PDE10A: variants seen among roughly 807,000 people sequenced by gnomAD.
PDE10A encodes the protein cAMP and cAMP-inhibited cGMP 3',5'-cyclic phosphodiesterase 10A.
Under a neutral mutation model 97.7 loss-of-function variants are expected in PDE10A, and 39 were observed. The observed-to-expected ratio is 0.40, with a 90% CI of 0.31 to 0.52. The LOEUF (loss-of-function observed/expected upper bound fraction) is 0.52, where lower values mean the gene tolerates loss of function less well. Ranked by LOEUF, PDE10A falls within the 20% of genes least tolerant of loss-of-function variation. PDE10A has a pLI of 0.56. For missense variants in PDE10A, 731 were observed against 1,047.8 expected (o/e 0.70, Z 4.17); for synonymous variants, 371 against 376.8 (o/e 0.98, Z 0.18).
At chr6:165,726,721 G>T (rs1235333855) in intron 1 of PDE10A, among the ~76,000 whole-genome samples, 1 of 152,222 alleles carries the variant, frequency 6.6e-6, no homozygotes, top group Non-Finnish European at 1.5e-5. Context: ...GGGCCAAGCC[G>T]GCCCTCCCCG....
At chr6:165,767,829 G>T (rs74420856) in intron 1 of PDE10A, among the ~76,000 whole-genome samples, 7,714 of 152,164 alleles carry the variant, frequency 0.051, 221 homozygotes, top group South Asian at 0.099. Flanking sequence ...CTCTATGTTT[G>T]ATTTTTTGAG....
rs192796135 is a variant in PDE10A, at chr6:165,349,749, T to A, written c.2784-6247A>T. On this transcript the variant is annotated intron_variant, in intron 18 of 21. Coordinates refer to ENST00000539869, the MANE Select transcript of PDE10A (RefSeq NM_001385079.1). The stretch of plus-strand genomic sequence containing the variant: ...CCCTGCTCTATGCAGCCTTGGGACA[T>A]GGTGCCCTGTTTACCAGCTGCTTCA... Among the ~76,000 whole-genome samples, 15 of 152,248 alleles carry A rather than the reference T, an allele frequency of 9.9e-5. No homozygotes were observed. The East Asian group carries it at 2.7e-3, about 28-fold the overall frequency.
At chr6:165,511,740 A>C (rs1781522358) in intron 2 of PDE10A, among the ~76,000 whole-genome samples, 1 of 151,950 alleles carries the variant, frequency 6.6e-6, no homozygotes, top group South Asian at 2.1e-4. Context: ...TATCCTCTTG[A>C]AGAATTGATC....
chr6:165,807,538 G>A (rs1178440159), intron 1 of PDE10A, among the ~76,000 whole-genome samples: 1 of 152,188 alleles, frequency 6.6e-6, no homozygotes, highest in Non-Finnish European at 1.5e-5. Context: ...GAGCCTGGGG[G>A]CCAGGATGGC....
chr6:165,649,766 CA>C lies in PDE10A; in HGVS notation c.865+12180del, dbSNP rs1338137927. On this transcript the variant is annotated intron_variant, in intron 1 of 21. Coordinates refer to ENST00000539869, the MANE Select transcript of PDE10A (RefSeq NM_001385079.1). ...TGTCACTTGAGGCTACATTTGCACT[CA>C]CTGGAGAAGCGCTAGTATCTAAAGC... 5.3e-5 allele frequency among the ~76,000 whole-genome samples: 8 copies of C among 152,338 alleles called. No individual in the cohort carries two copies. In the East Asian group the frequency reaches 9.6e-4, roughly 18 times the overall value.
intron 1 of PDE10A, among the ~76,000 whole-genome samples, chr6:165,687,739 G>A (rs145508716): frequency 2.6e-5 from 4 of 152,338 alleles, no homozygotes; most frequent in East Asian, 3.9e-4. Context: ...GTGCACAGCC[G>A]TAGATGCAGA....
chr6:165,396,825 A>G (rs1055313572), intron 13 of PDE10A, among the ~76,000 whole-genome samples: 1 of 152,226 alleles, frequency 6.6e-6, no homozygotes, highest in African/African-American at 2.4e-5. Flanking sequence ...GATCATCGTA[A>G]GATCTAAGGT....
At chr6:165,867,959 A>T (rs1389494148) in intron 1 of PDE10A, among the ~76,000 whole-genome samples, 2 of 152,140 alleles carry the variant, frequency 1.3e-5, no homozygotes, top group African/African-American at 4.8e-5. Flanking sequence ...GGGAAATTTT[A>T]AAAATGTCCT....
In PDE10A at chr6:165,662,159, C is replaced by A. The variant is rs1043559794; in HGVS notation, c.653G>T (p.Arg218Leu). ...GCGGGCGGCCTGGCCAAGGGGGAGCCGGGGCGGCGGCGGCGGCCGGGGACC... is the reference window on the plus strand; with the variant it reads ...GCGGGCGGCCTGGCCAAGGGGGAGCAGGGGCGGCGGCGGCGGCCGGGGACC... ...RAGPRPPPPP[R>L]LPLGQAARRA... The change falls in exon 1 of 22, where the codon CGG becomes CTG. Residue 218 changes from arginine to leucine, a missense_variant. Arg to Leu is a moderately radical substitution (Grantham distance 102). Around this residue, in one of 8 missense-constraint regions of PDE10A, gnomAD observed 181 missense variants for 159.1 expected, o/e 1.14. Coordinates refer to ENST00000539869, the MANE Select transcript of PDE10A (RefSeq NM_001385079.1). The A allele has an allele frequency of 8.1e-5, 33 of 406,610 alleles. 1 individual carries two copies. The highest frequency in any genetic ancestry group is 7.0e-4 in the African/African-American group (32 of 45,816). 25.2% of individuals were successfully genotyped at this position (406,610 alleles called of 1,614,324 possible).
chr6:165,657,787 A>G (rs1790039676), intron 1 of PDE10A, among the ~76,000 whole-genome samples: 1 of 152,244 alleles, frequency 6.6e-6, no homozygotes, highest in Non-Finnish European at 1.5e-5. Flanking sequence ...CCACCAGTTT[A>G]AACAGCTCTG....
chr6:165,485,104 G>C lies in PDE10A; in HGVS notation c.995-2761C>G, dbSNP rs78386621. 4.5e-3 allele frequency among the ~76,000 whole-genome samples: 681 copies of C among 152,248 alleles called. 2 individuals are homozygous for C. Among genetic ancestry groups the C allele is most frequent in the Non-Finnish European group, 8.2e-3 (561 of 68,020 alleles). On this transcript the variant is annotated intron_variant, in intron 2 of 21. Coordinates refer to ENST00000539869, the MANE Select transcript of PDE10A (RefSeq NM_001385079.1). ...TCTTCAAGTCCACTGTGTATATGTGGTGACCAGCTATCCAAGGAAGCCATG... is the reference window on the plus strand; with the variant it reads ...TCTTCAAGTCCACTGTGTATATGTGCTGACCAGCTATCCAAGGAAGCCATG...
In PDE10A at chr6:165,662,617, C is replaced by G. The variant is rs1447629789; in HGVS notation, c.195G>C (p.Pro65=). ...GGCCTGCGGAGGAGAGGGGCGGGCG[C>G]GGGGGCGCGGCGCGCTCCGCCCGGC... ...GRGRAERAAP[P]RPPLSSAGRP... The change falls in exon 1 of 22, where the codon CCG becomes CCC. Residue 65 remains proline (P), a synonymous_variant. Transcript: ENST00000539869. 1 of 142,850 alleles carries G rather than the reference C, an allele frequency of 7.0e-6. No homozygotes were observed. Among genetic ancestry groups the G allele is most frequent in the African/African-American group, 2.5e-5 (1 of 39,852 alleles). The allele number at this position is 142,850 out of a possible 1,614,324, so 8.8% of individuals were successfully genotyped here.
At chr6:165,489,328 T>C (rs619159) in intron 2 of PDE10A, among the ~76,000 whole-genome samples, 58,564 of 151,722 alleles carry the variant, frequency 0.39, 14,711 homozygotes, top group African/African-American at 0.72. Context: ...TGCTGTGTGG[T>C]TACATTCAGA....
intron 18 of PDE10A, among the ~76,000 whole-genome samples, chr6:165,367,665 A>G (rs1783887119): frequency 6.6e-6 from 1 of 152,166 alleles, no homozygotes; most frequent in African/African-American, 2.4e-5. Context: ...GAGGGGGAAA[A>G]AAAAAAAGAC....
At chr6:165,651,075 C>G (rs75929580) in intron 1 of PDE10A, among the ~76,000 whole-genome samples, 1 of 152,134 alleles carries the variant, frequency 6.6e-6, no homozygotes, top group African/African-American at 2.4e-5. Context: ...GCCAAATTGC[C>G]TTCCTCGGTA....
intron 2 of PDE10A, among the ~76,000 whole-genome samples, chr6:165,482,789 T>C (rs982334605): frequency 1.1e-4 from 17 of 152,300 alleles, no homozygotes; most frequent in Admixed American, 9.8e-4. Flanking sequence ...AAATAAGAAA[T>C]GTACCTGCAT....
At chr6:165,560,228 T>C (rs566009849) in intron 1 of PDE10A, among the ~76,000 whole-genome samples, 4 of 152,308 alleles carry the variant, frequency 2.6e-5, no homozygotes, top group Admixed American at 1.3e-4. Context: ...CAAGAAAGAT[T>C]TGAAGACTCA....
At chr6:165,773,041 A>G (rs1468267087) in intron 1 of PDE10A, among the ~76,000 whole-genome samples, 1 of 152,240 alleles carries the variant, frequency 6.6e-6, no homozygotes, top group Admixed American at 6.5e-5. Context: ...TCTGTGAAGC[A>G]AGGATCCCTT....
intron 1 of PDE10A, among the ~76,000 whole-genome samples, chr6:165,897,351 T>C (rs2500474): frequency 0.052 from 7,843 of 151,846 alleles, 233 homozygotes; most frequent in Middle Eastern, 0.058. Context: ...AGGGATGCCA[T>C]ACAGGGAAAA....
Sources: gnomAD v4.1 joint callset for allele counts (sites outside exome capture counted in the v4.1 genomes callset) on GRCh38, gnomAD v4.1.1 for gene constraint, gnomAD v4.1.1 regional missense constraint, MANE v1.5 for transcripts, NCBI Gene and HGNC (gene_info 2026-07-23, HGNC 2026-07-21) for gene names.